Variants in MXI1 observed in about 807,000 individuals in gnomAD.
MXI1 encodes the protein MAX interactor 1, dimerization protein.
Under a neutral mutation model 36.9 loss-of-function variants are expected in MXI1, and 18 were observed. The ratio of observed to expected loss-of-function variants is 0.49; its 90% confidence interval spans 0.34 to 0.72. The LOEUF is 0.72. Ranked by LOEUF, MXI1 falls within the 30% of genes least tolerant of loss-of-function variation. The pLI, the probability that MXI1 is intolerant of heterozygous loss-of-function variation, is 0.01. For missense variants in MXI1, 304 were observed against 379.1 expected (o/e 0.80, Z 1.64); for synonymous variants, 160 against 146.7 (o/e 1.09, Z -0.65).
At chr10:110,279,851 G>A (rs1857171968) in intron 4 of MXI1, 63 bp from the exon 5 acceptor site, 1 of 1,242,778 alleles carries the variant, frequency 8.0e-7, no homozygotes, top group East Asian at 2.5e-5. Flanking sequence ...TGCTAAAGGA[G>A]GAATCAGTTT....
chr10:110,223,870 G>C (rs1429101224), intron 1 of MXI1, among the ~76,000 whole-genome samples: 1 of 151,512 alleles, frequency 6.6e-6, no homozygotes, highest in Non-Finnish European at 1.5e-5. Flanking sequence ...CTCTCATTTT[G>C]GGTCTGCTTG....
rs17658 is a variant in MXI1 at position 110,286,392 on chromosome 10, T to C, written c.*1405T>C. 0.7 allele frequency: 106,405 copies of C among 152,250 alleles called. 37,520 individuals are homozygous for C. The highest frequency in any genetic ancestry group is 0.91 in the East Asian group (4,712 of 5,174). The allele number at this position is 152,250 out of a possible 1,614,324, so 9.4% of individuals were successfully genotyped here. A position where few individuals can be genotyped will look rare whatever the true frequency, so the allele number is the denominator to read the frequency against. On this transcript the variant is annotated 3_prime_UTR_variant, in exon 6 of 6. Coordinates refer to ENST00000332674, the MANE Select transcript of MXI1 (RefSeq NM_130439.3). Reference sequence around the variant, plus strand: ...TTGTCTTTCAAACTCCAAGGTTCCCTTGTGGCCCTCTCCCTTACCCTGGGA... The same window carrying C: ...TTGTCTTTCAAACTCCAAGGTTCCCCTGTGGCCCTCTCCCTTACCCTGGGA...
Position 110,207,774 on chromosome 10 carries a change from GT to G in MXI1, c.-33del. ...GAGCTCGGCCGGGCCGCGCAGCCCCGTTAGAGGACGAGCTCGGCGGACCCCC... is the reference window on the plus strand; with the variant it reads ...GAGCTCGGCCGGGCCGCGCAGCCCCGTAGAGGACGAGCTCGGCGGACCCCC... On this transcript the variant is annotated 5_prime_UTR_variant, in exon 1 of 6. Transcript: ENST00000332674. 1 of 1,130,986 alleles carries G rather than the reference GT, an allele frequency of 8.8e-7. No individual in the cohort carries two copies. The highest frequency in any genetic ancestry group is 3.2e-5 in the South Asian group (1 of 31,510). 70.1% of individuals were successfully genotyped at this position (1,130,986 alleles called of 1,614,324 possible).
At chr10:110,231,367 C>CG (rs1359765629) in intron 2 of MXI1, among the ~76,000 whole-genome samples, 2 of 150,464 alleles carry the variant, frequency 1.3e-5, no homozygotes, top group Admixed American at 6.6e-5. Context: ...AATCCACCCC[C>CG]CCCCCCTCAA....
At chr10:110,211,307 G>C (rs929020798) in intron 1 of MXI1, among the ~76,000 whole-genome samples, 1 of 152,184 alleles carries the variant, frequency 6.6e-6, no homozygotes, top group African/African-American at 2.4e-5. Flanking sequence ...GGCAGCTCCA[G>C]CCTCTTCTGA....
Position 110,216,665 on chromosome 10 carries a change from G to GTTTTTTTTTTTTTTTTTTTTTT in MXI1, c.274+8603_274+8604insTTTTTTTTTTTTTTTTTTTTTT, listed in dbSNP as rs10656872. Reference sequence around the variant, plus strand: ...CCTGTCTCCCCTATCTGTGTTTAATGTTTTTTTTTTTTTTTTTTTTGGAGA... The same window carrying GTTTTTTTTTTTTTTTTTTTTTT: ...CCTGTCTCCCCTATCTGTGTTTAATGTTTTTTTTTTTTTTTTTTTTTTTTTTTTTTTTTTTTTTTTTTGGAGA... On this transcript the variant is annotated intron_variant, in intron 1 of 5. Transcript: ENST00000332674. Among the ~76,000 whole-genome samples the GTTTTTTTTTTTTTTTTTTTTTT allele has an allele frequency of 4.7e-3, 370 of 79,032 alleles. 85 individuals carry two copies. Among genetic ancestry groups the GTTTTTTTTTTTTTTTTTTTTTT allele is most frequent in the African/African-American group, 0.013 (161 of 12,576 alleles). The allele number at this position is 79,032 out of a possible 152,430, so 51.8% of individuals were successfully genotyped here. A position where few individuals can be genotyped will look rare whatever the true frequency, so the allele number is the denominator to read the frequency against.
chr10:110,277,334 T>C (rs544759262), intron 3 of MXI1, among the ~76,000 whole-genome samples: 1 of 152,324 alleles, frequency 6.6e-6, no homozygotes, highest in South Asian at 2.1e-4. Flanking sequence ...TGCCAGTCTT[T>C]GTTTCCACGC....
chr10:110,215,517 C>T (rs1247939458), intron 1 of MXI1, among the ~76,000 whole-genome samples: 1 of 152,082 alleles, frequency 6.6e-6, no homozygotes, highest in Non-Finnish European at 1.5e-5. Flanking sequence ...GGGCTGTGTT[C>T]CCTCCTACCT....
chr10:110,224,030 G>A lies in MXI1; in HGVS notation c.275-4159G>A, dbSNP rs190117095. Reference sequence around the variant, plus strand: ...AGAAAAAAGAAAACAAAAGGTATGAGGGAAAGGTAAGAAAACAAAAGGTAT... The same window carrying A: ...AGAAAAAAGAAAACAAAAGGTATGAAGGAAAGGTAAGAAAACAAAAGGTAT... On this transcript the variant is annotated intron_variant, in intron 1 of 5. Transcript: ENST00000332674. Among the ~76,000 whole-genome samples, 3 of 152,148 alleles carry A rather than the reference G, an allele frequency of 2.0e-5. No homozygotes were observed. The East Asian group carries it at 5.8e-4, about 29-fold the overall frequency.
At chr10:110,240,663 AC>A (rs1400663085) in intron 2 of MXI1, among the ~76,000 whole-genome samples, 1 of 152,040 alleles carries the variant, frequency 6.6e-6, no homozygotes, top group Non-Finnish European at 1.5e-5. Context: ...CTTGAAAGAT[AC>A]CTGCTCTACT....
chr10:110,259,987 G>A (rs541824444), intron 3 of MXI1, among the ~76,000 whole-genome samples: 8 of 151,936 alleles, frequency 5.3e-5, no homozygotes, highest in Non-Finnish European at 1.2e-4. Flanking sequence ...AAGAAAAGTT[G>A]GAACTTAACT....
intron 5 of MXI1, among the ~76,000 whole-genome samples, chr10:110,284,392 T>G (rs564535181): frequency 1.9e-3 from 293 of 152,302 alleles, no homozygotes; most frequent in African/African-American, 7.0e-3. Flanking sequence ...GATGGGTAAA[T>G]TTTCTAGTTT....
chr10:110,248,340 T>G (rs970591842), intron 3 of MXI1, among the ~76,000 whole-genome samples: 2 of 151,550 alleles, frequency 1.3e-5, no homozygotes, highest in African/African-American at 4.9e-5. Flanking sequence ...AAACTTAAAG[T>G]ATAAAAAAAA....
intron 1 of MXI1, 172 bp from the exon 2 acceptor site, chr10:110,228,017 C>T: frequency 3.0e-6 from 2 of 667,674 alleles, no homozygotes; most frequent in Non-Finnish European, 2.5e-6. Flanking sequence ...TGGGGTGTCA[C>T]AGGATTGATG....
At chr10:110,256,750 T>C (rs1590380126) in intron 3 of MXI1, among the ~76,000 whole-genome samples, 1 of 152,140 alleles carries the variant, frequency 6.6e-6, no homozygotes, top group South Asian at 2.1e-4. Context: ...CTCACCAACT[T>C]TGTAGTCATC....
rs1479134255 is a variant in MXI1, at chr10:110,236,078, A to C, written c.407+7757A>C. 3.9e-5 allele frequency among the ~76,000 whole-genome samples: 5 copies of C among 128,158 alleles called. No individual in the cohort carries two copies. In the East Asian group the frequency reaches 1.2e-3, roughly 31 times the overall value. 84.1% of individuals were successfully genotyped at this position (128,158 alleles called of 152,430 possible). A position where few individuals can be genotyped will look rare whatever the true frequency, so the allele number is the denominator to read the frequency against. The stretch of plus-strand genomic sequence containing the variant: ...GGTTTTACATTTAGATTTAAAATTC[A>C]TTTAGAGTTAATTTTTGTAGAGGGT... On this transcript the variant is annotated intron_variant, in intron 2 of 5. Transcript: ENST00000332674.
chr10:110,236,190 A>G (rs1855471158), intron 2 of MXI1, among the ~76,000 whole-genome samples: 1 of 67,548 alleles, frequency 1.5e-5, no homozygotes, highest in Admixed American at 2.4e-4. Context: ...TTGTTCCAGT[A>G]TCATTTGTTG....
At chr10:110,215,454 A>G (rs1854614091) in intron 1 of MXI1, among the ~76,000 whole-genome samples, 1 of 152,176 alleles carries the variant, frequency 6.6e-6, no homozygotes, top group South Asian at 2.1e-4. Flanking sequence ...AGACCCAGAG[A>G]GGGACACTGG....
At chr10:110,237,798 A>G (rs1169285583) in intron 2 of MXI1, among the ~76,000 whole-genome samples, 3 of 152,144 alleles carry the variant, frequency 2.0e-5, no homozygotes, top group Admixed American at 2.0e-4. Flanking sequence ...GTGTTTAGAG[A>G]CAGAGTCTCA....
Sources: gnomAD v4.1 joint callset for allele counts (sites outside exome capture counted in the v4.1 genomes callset) on GRCh38, gnomAD v4.1.1 for gene constraint, MANE v1.5 for transcripts, NCBI Gene and HGNC (gene_info 2026-07-23, HGNC 2026-07-21) for gene names.